The following EDEM3 variants were observed in gnomAD, a reference collection of about 807,000 sequenced individuals.
EDEM3 encodes the protein ER degradation-enhancing alpha-mannosidase-like protein 3.
In EDEM3, 60 loss-of-function variants were observed where a neutral mutation model predicts 110.2. That is an observed-to-expected ratio of 0.54 (90% CI 0.44 to 0.67). The LOEUF (loss-of-function observed/expected upper bound fraction) is 0.67. EDEM3 is among the 30% of genes least tolerant of loss of function. The pLI is 0.00. For missense variants in EDEM3, 996 were observed against 1,121.0 expected, an observed-to-expected ratio of 0.89 and a Z score of 1.59; for synonymous variants, 352 against 382.9, an observed-to-expected ratio of 0.92 and a Z score of 0.94.
intron 15 of EDEM3, 149 bp from the exon 16 acceptor site, chr1:184,710,696 A>G: frequency 1.0e-6 from 1 of 959,224 alleles, no homozygotes. Flanking sequence ...TCTTACATAT[A>G]ATTTAGGTTA....
At chr1:184,708,439 T>C in intron 16 of EDEM3, 95 bp from the exon 17 acceptor site, 1 of 1,279,178 alleles carries the variant, frequency 7.8e-7, no homozygotes, top group South Asian at 1.4e-5. Flanking sequence ...TATTCTACTC[T>C]ACAACTTCTT....
chr1:184,751,858 T>C (rs961278380), intron 1 of EDEM3, among the ~76,000 whole-genome samples: 1 of 152,210 alleles, frequency 6.6e-6, no homozygotes, highest in Non-Finnish European at 1.5e-5. Flanking sequence ...GTTCAAGCGA[T>C]TCTTCCTGCC....
At position 184,691,427 on chromosome 1, in the gene EDEM3, C is replaced by T. The variant is rs1649059214; in HGVS notation, c.*2636G>A. ...AGGATTTCAGCTAAAATCCTTGATT[C>T]CAGATTTGTAAACATTATATAAATC... On this transcript the variant is annotated 3_prime_UTR_variant, in exon 20 of 20. Coordinates refer to ENST00000318130, the MANE Select transcript of EDEM3 (RefSeq NM_025191.4). The T allele has an allele frequency of 6.6e-6, 1 of 152,368 alleles. No individual in the cohort carries two copies. The highest frequency in any genetic ancestry group is 2.4e-5 in the African/African-American group (1 of 41,390). 9.4% of individuals were successfully genotyped at this position (152,368 alleles called of 1,614,324 possible).
intron 14 of EDEM3, among the ~76,000 whole-genome samples, 195 bp from the exon 15 acceptor site, chr1:184,712,072 G>A (rs1463538711): frequency 2.0e-5 from 3 of 151,678 alleles, no homozygotes; most frequent in African/African-American, 7.3e-5. Flanking sequence ...GACTACAGGC[G>A]CCCACTACCA....
chr1:184,707,688 T>C (rs182336669), intron 17 of EDEM3, among the ~76,000 whole-genome samples: 323 of 152,302 alleles, frequency 2.1e-3, no homozygotes, highest in Middle Eastern at 3.4e-3. Flanking sequence ...TATAACTATG[T>C]TACAACTATA....
chr1:184,721,197 T>G, intron 9 of EDEM3, 92 bp downstream of exon 9: 10 of 996,192 alleles, frequency 1.0e-5, no homozygotes, highest in Non-Finnish European at 1.5e-5. Context: ...TTTTAAAAAT[T>G]ATTTTTACAA....
At chr1:184,718,517 C>A (rs1466928972) in intron 11 of EDEM3, among the ~76,000 whole-genome samples, 1 of 152,078 alleles carries the variant, frequency 6.6e-6, no homozygotes, top group African/African-American at 2.4e-5. Context: ...GCTTAGATAT[C>A]TCACAGAGGG....
At chr1:184,751,997 C>T (rs1652794773) in intron 1 of EDEM3, among the ~76,000 whole-genome samples, 1 of 152,192 alleles carries the variant, frequency 6.6e-6, no homozygotes, top group Non-Finnish European at 1.5e-5. Context: ...AGGTGATTCG[C>T]CCGCCTCAGC....
At chr1:184,713,382 A>G (rs1650367614) in intron 13 of EDEM3, among the ~76,000 whole-genome samples, 3 of 152,244 alleles carry the variant, frequency 2.0e-5, no homozygotes, top group Non-Finnish European at 4.4e-5. Context: ...AGAAATAAAG[A>G]CAGTAAAACT....
chr1:184,736,219 AGCT>A (rs1392053353), intron 4 of EDEM3, among the ~76,000 whole-genome samples: 4 of 152,100 alleles, frequency 2.6e-5, no homozygotes, highest in Non-Finnish European at 5.9e-5. Context: ...GAACCTCTTA[AGCT>A]GCTTTTAGAG....
Position 184,716,949 on chromosome 1 carries a change from C to T in EDEM3, c.1309G>A (p.Ala437Thr), listed in dbSNP as rs368296552. ...KTLIENLNKY[A>T]RVPCGFAAMK... The stretch of plus-strand genomic sequence containing the variant: ...GCAGCAAATCCGCAAGGCACTCTAG[C>T]ATATTTATTTAAATTTTCAATAAGT... The change falls in exon 13 of 20, where the codon GCT becomes ACT. Residue 437 changes from alanine (A) to threonine (T), a missense_variant. Coordinates refer to ENST00000318130, the MANE Select transcript of EDEM3 (RefSeq NM_025191.4). The T allele has an allele frequency of 1.2e-6, 2 of 1,613,148 alleles. No homozygotes were observed. Among genetic ancestry groups the T allele is most frequent in the African/African-American group, 2.7e-5 (2 of 75,002 alleles).
chr1:184,721,190 T>C, intron 9 of EDEM3, 99 bp downstream of exon 9: 1 of 960,994 alleles, frequency 1.0e-6, no homozygotes. Context: ...CTACACATTT[T>C]AAAAATTATT....
At chr1:184,709,131 G>A (rs555510945) in intron 16 of EDEM3, among the ~76,000 whole-genome samples, 2 of 152,226 alleles carry the variant, frequency 1.3e-5, no homozygotes, top group African/African-American at 4.8e-5. Context: ...ATGACTTAAA[G>A]AATGATGATA....
intron 2 of EDEM3, among the ~76,000 whole-genome samples, chr1:184,747,288 G>T (rs1256885773): frequency 6.6e-6 from 1 of 152,154 alleles, no homozygotes; most frequent in Non-Finnish European, 1.5e-5. Flanking sequence ...GCTGAGACAG[G>T]ATTTGAACTC....
rs1470160353 is a variant in EDEM3, at chr1:184,711,734, G to A, written c.1680C>T (p.Gly560=). The change falls in exon 15 of 20, where the codon GGC becomes GGT. Residue 560 remains glycine, a synonymous_variant. Transcript: ENST00000318130. ...ATAATACATCTTACACTCTGATGAT[G>A]CCTCTAGGACAGCTCTTATCCACCA... The part of the protein sequence containing the change: ...KNVVDKSCPR[G]IIRVEESFRS... The A allele has an allele frequency of 3.8e-6, 6 of 1,597,902 alleles. No homozygotes were observed. The highest frequency in any genetic ancestry group is 5.1e-6 in the Non-Finnish European group (6 of 1,174,754).
At chr1:184,728,118 G>T (rs1457475638) in intron 6 of EDEM3, among the ~76,000 whole-genome samples, 1 of 152,006 alleles carries the variant, frequency 6.6e-6, no homozygotes, top group Admixed American at 6.5e-5. Flanking sequence ...ACCATGTGGG[G>T]GATATTATGA....
chr1:184,737,667 T>A lies in EDEM3; in HGVS notation c.249A>T (p.Arg83Ser), dbSNP rs1408921925. ...PADELMPLTC[R>S]GRVRGQEPSR... ...TTGGCTCTTGGCCTCTAACTCGACCTCTACAGGTTAAAGGCATGAGTTCAT... is the reference window on the plus strand; with the variant it reads ...TTGGCTCTTGGCCTCTAACTCGACCACTACAGGTTAAAGGCATGAGTTCAT... Residue 83 changes from arginine (R) to serine (S), a missense_variant, in exon 3 of 20, where the codon AGA (arginine) becomes AGT (serine). Coordinates refer to ENST00000318130, the MANE Select transcript of EDEM3 (RefSeq NM_025191.4). The A allele has an allele frequency of 3.7e-6, 6 of 1,614,036 alleles. No individual in the cohort carries two copies. The highest frequency in any genetic ancestry group is 5.1e-6 in the Non-Finnish European group (6 of 1,179,922).
At chr1:184,754,431 C>A (rs1363317672) in intron 1 of EDEM3, 58 bp downstream of exon 1, 1 of 1,603,630 alleles carries the variant, frequency 6.2e-7, no homozygotes, top group Admixed American at 1.7e-5. Context: ...CAATGACAGG[C>A]ACCCCTCCTG....
chr1:184,724,932 A>G (rs74132003), intron 7 of EDEM3, among the ~76,000 whole-genome samples: 6,986 of 152,266 alleles, frequency 0.046, 533 homozygotes, highest in African/African-American at 0.16. Context: ...GACAAGAACC[A>G]GGTATTTTAA....
Sources: gnomAD v4.1 joint callset for allele counts (sites outside exome capture counted in the v4.1 genomes callset) on GRCh38, gnomAD v4.1.1 for gene constraint, MANE v1.5 for transcripts, NCBI Gene and HGNC (gene_info 2026-07-23, HGNC 2026-07-21) for gene names.